POLD3: variants seen among roughly 807,000 people sequenced by gnomAD.
POLD3 encodes DNA polymerase delta subunit 3.
Under a neutral mutation model 58.2 loss-of-function variants are expected in POLD3, and 19 were observed. The ratio of observed to expected loss-of-function variants is 0.33; its 90% confidence interval spans 0.23 to 0.48. POLD3 has a LOEUF of 0.48. Ranked by LOEUF, POLD3 falls within the 20% of genes least tolerant of loss-of-function variation. The probability of loss-of-function intolerance (pLI) is 0.99; values close to 1 mark genes in which losing one functional copy is unlikely to be tolerated. For synonymous variants in POLD3, 172 were observed against 193.5 expected (o/e 0.89, Z 0.92); for missense variants, 504 against 545.5 (o/e 0.92, Z 0.76).
intron 4 of POLD3, among the ~76,000 whole-genome samples, chr11:74,667,257 C>A (rs1448927380): frequency 6.6e-6 from 1 of 152,180 alleles, no homozygotes; most frequent in African/African-American, 2.4e-5. Context: ...AATTAAGGGC[C>A]CGGCGTGGTG....
At chr11:74,606,596 T>A (rs536025029) in intron 3 of POLD3, among the ~76,000 whole-genome samples, 7 of 152,344 alleles carry the variant, frequency 4.6e-5, no homozygotes, top group African/African-American at 1.4e-4. Context: ...AAGTTAAGAA[T>A]TTACGTTTTG....
Position 74,642,464 on chromosome 11 carries a change from A to G in POLD3, c.*1698A>G. The G allele has an allele frequency of 1.1e-5, 11 of 985,266 alleles. No individual in the cohort carries two copies. The highest frequency in any genetic ancestry group is 1.3e-5 in the Non-Finnish European group (11 of 829,758). 61.0% of individuals were successfully genotyped at this position (985,266 alleles called of 1,614,324 possible). A position where few individuals can be genotyped will look rare whatever the true frequency, so the allele number is the denominator to read the frequency against. ...TAAATAGGAATGGAAAATTAAAAGA[A>G]AAGCAACAATCCAATCTTTTTTCTA... On this transcript the variant is annotated 3_prime_UTR_variant, in exon 12 of 12. Coordinates refer to ENST00000263681, the MANE Select transcript of POLD3 (RefSeq NM_006591.3).
intron 5 of POLD3, among the ~76,000 whole-genome samples, chr11:74,615,313 A>G (rs1384622037): frequency 6.6e-6 from 1 of 152,198 alleles, no homozygotes; most frequent in Non-Finnish European, 1.5e-5. Flanking sequence ...ATAGAAAAAG[A>G]GGGGCCCAAG....
rs778806614 is a variant in POLD3 at position 74,625,466 on chromosome 11, G to A, written c.792G>A (p.Glu264=). 6.2e-7 allele frequency: 1 copy of A among 1,613,232 alleles called. No homozygotes were observed. The highest frequency in any genetic ancestry group is 1.7e-5 in the Admixed American group (1 of 59,942). ...CAGTGAAAGAAGAAAAAATAGTGGAGCAGCCTACAGTGTCTGTCACGGAAC... is the reference window on the plus strand; with the variant it reads ...CAGTGAAAGAAGAAAAAATAGTGGAACAGCCTACAGTGTCTGTCACGGAAC... ...EQAVKEEKIV[E]QPTVSVTEPK... is the part of the protein sequence containing the mutation. The change falls in exon 8 of 12, where the codon GAG becomes GAA. Residue 264 remains glutamate, a synonymous_variant. Coordinates refer to ENST00000263681, the MANE Select transcript of POLD3 (RefSeq NM_006591.3).
At chr11:74,654,293 C>G (rs2033104662) in intron 4 of POLD3, among the ~76,000 whole-genome samples, 1 of 152,068 alleles carries the variant, frequency 6.6e-6, no homozygotes, top group South Asian at 2.1e-4. Flanking sequence ...CCTGGAGTGG[C>G]TATATTAATA....
Position 74,622,926 on chromosome 11 carries a change from A to T in POLD3, c.734-2482A>T, listed in dbSNP as rs374795595. On this transcript the variant is annotated intron_variant, in intron 7 of 11. Coordinates refer to ENST00000263681, the MANE Select transcript of POLD3 (RefSeq NM_006591.3). ...ATTCTTCATAATAGCCAAAAATTGA[A>T]ACAATCCAAAAGTCTGTCATCTGAT... Among the ~76,000 whole-genome samples, 11 of 152,360 alleles carry T rather than the reference A, an allele frequency of 7.2e-5. No individual in the cohort carries two copies. The East Asian group carries it at 1.7e-3, about 24-fold the overall frequency.
At chr11:74,625,601 AAG>A in intron 8 of POLD3, 28 bp downstream of exon 8, 1 of 1,590,514 alleles carries the variant, frequency 6.3e-7, no homozygotes, top group Non-Finnish European at 8.6e-7. Flanking sequence ...CTTATTGGGG[AAG>A]AGTCTTTACT....
chr11:74,660,205 A>G (rs191325430), intron 4 of POLD3, among the ~76,000 whole-genome samples: 1 of 152,306 alleles, frequency 6.6e-6, no homozygotes. Flanking sequence ...TGAGAATAGC[A>G]CAGGAAAGAC....
chr11:74,623,967 T>G (rs2032347932), intron 7 of POLD3, among the ~76,000 whole-genome samples: 1 of 152,226 alleles, frequency 6.6e-6, no homozygotes, highest in African/African-American at 2.4e-5. Context: ...TAATGTTTGA[T>G]CAGTGGCATT....
intron 11 of POLD3, 68 bp downstream of exon 11, chr11:74,636,343 C>G: frequency 6.7e-7 from 1 of 1,485,494 alleles, no homozygotes; most frequent in Non-Finnish European, 9.3e-7. Flanking sequence ...ACCATAATCC[C>G]TTTTAGAACA....
At position 74,592,960 on chromosome 11, in the gene POLD3, C is replaced by T. The variant is rs1009667150; in HGVS notation, c.60+242C>T. The T allele has an allele frequency of 3.6e-5, 49 of 1,374,896 alleles. No individual in the cohort carries two copies. In the African/African-American group the frequency reaches 6.0e-4, roughly 17 times the overall value. The allele number at this position is 1,374,896 out of a possible 1,614,324, so 85.2% of individuals were successfully genotyped here. On this transcript the variant is annotated intron_variant, in intron 1 of 11. Transcript: ENST00000263681. ...GGCGTGCTGGGAACAGAGCCTGGGG[C>T]TGGAGCCGCGGAGACCGGGCGCGGA...
chr11:74,609,810 C>A (rs979726193), intron 3 of POLD3, among the ~76,000 whole-genome samples: 7 of 152,112 alleles, frequency 4.6e-5, no homozygotes, highest in Admixed American at 6.5e-5. Context: ...AGCATCACTC[C>A]ACAGCAGTTA....
At chr11:74,647,226 G>A (rs1436130981), downstream of POLD3, among the ~76,000 whole-genome samples, 1 of 152,238 alleles carries the variant, frequency 6.6e-6, no homozygotes, top group Non-Finnish European at 1.5e-5. Flanking sequence ...GCAGCCCGGG[G>A]GTTGGGGACC....
In POLD3 at chr11:74,636,250, T is replaced by C. The variant is rs557697260; in HGVS notation, c.1173T>C (p.Thr391=). ...GAAAACGCGTACTAAAATCTAAAAC[T>C]TACCTGGATGGGGAAGGCTGCATAG... is the stretch of plus-strand genomic sequence containing the variant. ...RKRKRVLKSK[T]YLDGEGCIVT... The change falls in exon 11 of 12, where the codon ACT becomes ACC. Residue 391 remains threonine, a synonymous_variant. Transcript: ENST00000263681. 6 of 1,613,132 alleles carry C rather than the reference T, an allele frequency of 3.7e-6. No homozygotes were observed. In the South Asian group the frequency reaches 4.4e-5, roughly 12 times the overall value.
In POLD3 at chr11:74,643,063, G is replaced by A. The variant is rs569961255; in HGVS notation, c.*2297G>A. On this transcript the variant is annotated 3_prime_UTR_variant, in exon 12 of 12. Transcript: ENST00000263681. ...ATAAAACTAAAATGAGTTACCAAGG[G>A]TGTCAAGACTAAAGTCAAGTGTATG... 327 of 381,236 alleles carry A rather than the reference G, an allele frequency of 8.6e-4. 1 individual carries two copies. The highest frequency in any genetic ancestry group is 3.1e-3 in the Admixed American group (48 of 15,546). The allele number at this position is 381,236 out of a possible 1,614,324, so 23.6% of individuals were successfully genotyped here.
At chr11:74,662,042 T>C (rs1345402176) in intron 4 of POLD3, among the ~76,000 whole-genome samples, 1 of 152,054 alleles carries the variant, frequency 6.6e-6, no homozygotes, top group Non-Finnish European at 1.5e-5. Flanking sequence ...TGTCAGCTTA[T>C]GGTGAATGCT....
downstream of POLD3, among the ~76,000 whole-genome samples, chr11:74,645,660 G>A (rs4944922): frequency 0.27 from 40,832 of 152,154 alleles, 5,916 homozygotes; most frequent in South Asian, 0.42. Flanking sequence ...TAATGCATGG[G>A]CAGTCCCCAG....
intron 7 of POLD3, among the ~76,000 whole-genome samples, chr11:74,621,889 C>CT (rs1358511449): frequency 6.6e-6 from 1 of 151,278 alleles, no homozygotes; most frequent in Non-Finnish European, 1.5e-5. Flanking sequence ...TATTATTATA[C>CT]TTTAAGTTTT....
chr11:74,600,208 T>C (rs2031440609), intron 2 of POLD3, among the ~76,000 whole-genome samples: 1 of 152,182 alleles, frequency 6.6e-6, no homozygotes, highest in Admixed American at 6.5e-5. Flanking sequence ...CCTCCTAACA[T>C]GCTGGGATTA....
Sources: gnomAD v4.1 joint callset for allele counts (sites outside exome capture counted in the v4.1 genomes callset) on GRCh38, gnomAD v4.1.1 for gene constraint, MANE v1.5 for transcripts, NCBI Gene and HGNC (gene_info 2026-07-23, HGNC 2026-07-21) for gene names.